The following STRN variants were observed in gnomAD, a reference collection of about 807,000 sequenced individuals.
The protein encoded by STRN is striatin.
A neutral mutation model predicts 96.3 loss-of-function variants in STRN; 53 were observed. The ratio of observed to expected loss-of-function variants is 0.55; its 90% confidence interval spans 0.44 to 0.69. The LOEUF is 0.69. STRN is among the 30% of genes least tolerant of loss of function. The pLI is 0.00. For synonymous variants in STRN, 428 were observed against 355.9 expected (o/e 1.20, Z -2.28); for missense variants, 987 against 963.9 (o/e 1.02, Z -0.32).
intron 7 of STRN, among the ~76,000 whole-genome samples, chr2:36,889,116 T>C (rs1331777917): frequency 2.0e-5 from 3 of 152,154 alleles, no homozygotes; most frequent in East Asian, 1.9e-4. Context: ...ATCCTCTTAG[T>C]TGAATGTAAG....
intron 1 of STRN, among the ~76,000 whole-genome samples, chr2:36,961,257 G>A (rs970288541): frequency 6.7e-6 from 1 of 150,134 alleles, no homozygotes; most frequent in Non-Finnish European, 1.5e-5. Context: ...CTCCCAAGTA[G>A]CTGGGACTAA....
At chr2:36,861,731 G>GCACACA (rs59999370) in intron 12 of STRN, among the ~76,000 whole-genome samples, 19 of 150,478 alleles carry the variant, frequency 1.3e-4, no homozygotes, top group African/African-American at 4.4e-4. Context: ...CATTGCGTGA[G>GCACACA]CACACACACA....
At chr2:36,910,173 C>CAAA (rs146718686) in intron 3 of STRN, among the ~76,000 whole-genome samples, 38 of 112,936 alleles carry the variant, frequency 3.4e-4, no homozygotes, top group African/African-American at 9.8e-4. Context: ...GACTTTGTCT[C>CAAA]AAAAAAAAAA....
In STRN at chr2:36,841,629, A is replaced by T. The variant is rs1667954548; in HGVS notation, c.*7827T>A. On this transcript the variant is annotated 3_prime_UTR_variant, in exon 18 of 18. Transcript: ENST00000263918. ...GATTCTCATATTTTTTCATGAGATT[A>T]TCACTTGGCTACTTTAGGATATTTC... 1 of 152,244 alleles carries T rather than the reference A, an allele frequency of 6.6e-6. No homozygotes were observed. 9.4% of individuals were successfully genotyped at this position (152,244 alleles called of 1,614,324 possible).
At chr2:36,955,851 G>C (rs1664874193) in intron 1 of STRN, among the ~76,000 whole-genome samples, 1 of 152,100 alleles carries the variant, frequency 6.6e-6, no homozygotes, top group East Asian at 1.9e-4. Context: ...AGATATCTTG[G>C]GGATGAGACC....
intron 7 of STRN, among the ~76,000 whole-genome samples, chr2:36,888,754 C>T (rs964779282): frequency 1.1e-4 from 17 of 151,992 alleles, no homozygotes; most frequent in African/African-American, 1.9e-4. Flanking sequence ...AATCTCAACT[C>T]ACTGCAGCCT....
At chr2:36,898,734 G>A (rs1669606918) in intron 6 of STRN, among the ~76,000 whole-genome samples, 4 of 152,166 alleles carry the variant, frequency 2.6e-5, no homozygotes, top group South Asian at 2.1e-4. Context: ...TTAGAGGTCC[G>A]ATCTGCTTTA....
chr2:36,858,803 G>A (rs1335228535), intron 13 of STRN, among the ~76,000 whole-genome samples: 1 of 152,186 alleles, frequency 6.6e-6, no homozygotes. Context: ...TATGCTCAAT[G>A]ATGGAGCCAA....
rs1314679560 is a variant in STRN at position 36,839,080 on chromosome 2, T to A, written c.*10376A>T. On this transcript the variant is annotated 3_prime_UTR_variant, in exon 18 of 18. Coordinates refer to ENST00000263918, the MANE Select transcript of STRN (RefSeq NM_003162.4). ...TGGGTATACACATTTGTATGAATAA[T>A]TAGAAAGATACATATCAGGGAGGTA... is the stretch of plus-strand genomic sequence containing the variant. Among the ~76,000 whole-genome samples the A allele has an allele frequency of 6.6e-6, 1 of 152,184 alleles. No homozygotes were observed. The highest frequency in any genetic ancestry group is 2.4e-5 in the African/African-American group (1 of 41,442).
At chr2:36,952,104 C>T (rs762151483) in intron 1 of STRN, among the ~76,000 whole-genome samples, 1 of 152,156 alleles carries the variant, frequency 6.6e-6, no homozygotes, top group South Asian at 2.1e-4. Context: ...ATACAAAACT[C>T]GAATTAGCAT....
intron 15 of STRN, among the ~76,000 whole-genome samples, chr2:36,851,458 A>G (rs1668221344): frequency 6.6e-6 from 1 of 152,170 alleles, no homozygotes; most frequent in African/African-American, 2.4e-5. Flanking sequence ...ATTCCAGCCT[A>G]GGTGTCAGAG....
At chr2:36,887,245 A>G (rs1654338635) in intron 7 of STRN, among the ~76,000 whole-genome samples, 1 of 151,102 alleles carries the variant, frequency 6.6e-6, no homozygotes, top group East Asian at 1.9e-4. Context: ...CCTGACCAAC[A>G]GGTGAAACCC....
At chr2:36,954,944 ACTACACT>A (rs1664848174) in intron 1 of STRN, among the ~76,000 whole-genome samples, 1 of 151,884 alleles carries the variant, frequency 6.6e-6, no homozygotes, top group Non-Finnish European at 1.5e-5. Flanking sequence ...CAGTCCAAGA[ACTACACT>A]GTTAAACACT....
At chr2:36,896,329 ATTACTAT>A (rs1239622814) in intron 6 of STRN, among the ~76,000 whole-genome samples, 2 of 152,360 alleles carry the variant, frequency 1.3e-5, no homozygotes, top group South Asian at 4.1e-4. Flanking sequence ...GTCATTGCAG[ATTACTAT>A]TTACTAAGTA....
intron 2 of STRN, among the ~76,000 whole-genome samples, chr2:36,924,272 T>C (rs1471340771): frequency 3.4e-5 from 5 of 148,478 alleles, no homozygotes; most frequent in Non-Finnish European, 4.4e-5. Context: ...AGGAGAATGG[T>C]GTGAACCCGG....
chr2:36,938,899 A>G (rs573313943), intron 1 of STRN, among the ~76,000 whole-genome samples: 1 of 152,306 alleles, frequency 6.6e-6, no homozygotes, highest in South Asian at 2.1e-4. Flanking sequence ...AGAAATATTT[A>G]AACAATGCTT....
chr2:36,857,734 C>T (rs542862352), intron 14 of STRN, 122 bp downstream of exon 14: 49 of 794,372 alleles, frequency 6.2e-5, no homozygotes, highest in Middle Eastern at 7.7e-4. Context: ...AATACACTTT[C>T]GTGGCTTCAA....
At chr2:36,889,799 C>A (rs559309887) in intron 7 of STRN, among the ~76,000 whole-genome samples, 1 of 152,198 alleles carries the variant, frequency 6.6e-6, no homozygotes, top group African/African-American at 2.4e-5. Flanking sequence ...AAAGAAACCT[C>A]CAGGAAACCG....
intron 12 of STRN, among the ~76,000 whole-genome samples, chr2:36,865,649 C>T (rs1393466018): frequency 6.6e-6 from 1 of 152,070 alleles, no homozygotes; most frequent in Non-Finnish European, 1.5e-5. Context: ...GCAACCTCTG[C>T]CTCCTGGGTT....
Sources: gnomAD v4.1 joint callset for allele counts (sites outside exome capture counted in the v4.1 genomes callset) on GRCh38, gnomAD v4.1.1 for gene constraint, MANE v1.5 for transcripts, NCBI Gene and HGNC (gene_info 2026-07-23, HGNC 2026-07-21) for gene names.